The following RAD21 variants were observed in gnomAD, a reference collection of about 807,000 sequenced individuals.
RAD21 encodes the protein RAD21 cohesin complex component.
Under a neutral mutation model 71.5 loss-of-function variants are expected in RAD21, and 18 were observed. The observed-to-expected ratio is 0.25, with a 90% CI of 0.17 to 0.37. The LOEUF is 0.37. RAD21 is among the 10% of genes least tolerant of loss of function. RAD21 has a pLI of 1.00. For synonymous variants in RAD21, 248 were observed against 254.0 expected (o/e 0.98, Z 0.22); for missense variants, 493 against 769.1 (o/e 0.64, Z 4.25).
chr8:116,873,671 G>A (rs1023855729), intron 1 of RAD21, among the ~76,000 whole-genome samples: 2 of 151,110 alleles, frequency 1.3e-5, no homozygotes, highest in African/African-American at 4.9e-5. Flanking sequence ...TAACAAATCA[G>A]AGTGACCAAG....
At chr8:116,872,032 T>C (rs539314702) in intron 1 of RAD21, among the ~76,000 whole-genome samples, 2 of 152,208 alleles carry the variant, frequency 1.3e-5, no homozygotes, top group African/African-American at 2.4e-5. Context: ...CTTGCATCCA[T>C]GGACTAAACC....
chr8:116,860,619 G>A (rs1310608390), intron 4 of RAD21, among the ~76,000 whole-genome samples: 1 of 151,880 alleles, frequency 6.6e-6, no homozygotes, highest in Non-Finnish European at 1.5e-5. Flanking sequence ...TAAGCTCACT[G>A]CTTTTTTAAA....
intron 8 of RAD21, 134 bp downstream of exon 8, chr8:116,856,032 G>C: frequency 9.8e-7 from 1 of 1,019,440 alleles, no homozygotes. Flanking sequence ...CAGATCAGTA[G>C]ACAGGCCAAA....
chr8:116,854,907 A>G (rs1812430558), intron 8 of RAD21, among the ~76,000 whole-genome samples: 1 of 152,176 alleles, frequency 6.6e-6, no homozygotes, highest in Admixed American at 6.5e-5. Context: ...TGTAATTCAC[A>G]TATGGCAGTT....
chr8:116,856,570 T>C, intron 7 of RAD21, 76 bp downstream of exon 7: 1 of 1,420,668 alleles, frequency 7.0e-7, no homozygotes, highest in Non-Finnish European at 9.3e-7. Context: ...AACTTTTAGT[T>C]TGTCATCTTC....
intron 7 of RAD21, 97 bp downstream of exon 7, chr8:116,856,549 C>A: frequency 7.4e-7 from 1 of 1,346,226 alleles, no homozygotes; most frequent in Admixed American, 2.6e-5. Flanking sequence ...TTATAATTCA[C>A]TAAAAACTAC....
chr8:116,849,465 G>A (rs1036453834), intron 12 of RAD21: 7 of 154,734 alleles, frequency 4.5e-5, no homozygotes, highest in Non-Finnish European at 8.6e-5. Flanking sequence ...GATGACTAAT[G>A]TTCTGGCAGA....
At position 116,857,396 on chromosome 8, in the gene RAD21, T is replaced by C. The variant is rs769141885; in HGVS notation, c.559A>G (p.Thr187Ala). The change falls in exon 6 of 14, where the codon ACT becomes GCT. Residue 187 changes from threonine to alanine, a missense_variant. By Grantham distance (58) the Thr-to-Ala change is moderately conservative. Transcript: ENST00000297338. ...FEDDDMLVST[T>A]TSNLLLESEQ... is the part of the protein sequence containing the mutation. ...GACTCTAATAGGAGGTTAGAAGTAG[T>C]AGTGCTTACTAACATGTCGTCATCC... 5 of 1,613,258 alleles carry C rather than the reference T, an allele frequency of 3.1e-6. No individual in the cohort carries two copies. The highest frequency in any genetic ancestry group is 1.7e-4 in the Middle Eastern group (1 of 5,924).
intron 12 of RAD21, among the ~76,000 whole-genome samples, chr8:116,850,309 A>C (rs1285544756): frequency 6.6e-6 from 1 of 152,210 alleles, no homozygotes; most frequent in Non-Finnish European, 1.5e-5. Flanking sequence ...CAGCAGTAAG[A>C]ATCGTCCACT....
chr8:116,866,448 T>C (rs1812695841), intron 2 of RAD21, 138 bp downstream of exon 2: 6 of 693,870 alleles, frequency 8.6e-6, no homozygotes, highest in Admixed American at 6.8e-5. Context: ...TGATAAGGAC[T>C]TCACATAATA....
Position 116,858,453 on chromosome 8 carries a change from A to T in RAD21, c.380T>A (p.Ile127Asn). 1 of 1,610,528 alleles carries T rather than the reference A, an allele frequency of 6.2e-7. No individual in the cohort carries two copies. The highest frequency in any genetic ancestry group is 8.5e-7 in the Non-Finnish European group (1 of 1,177,898). Residue 127 changes from isoleucine to asparagine, a missense_variant, in exon 5 of 14, where the codon ATC (isoleucine) becomes AAC (asparagine). By Grantham distance (149) the Ile-to-Asn change is moderately radical. Around this residue, in one of 5 missense-constraint regions of RAD21, gnomAD observed 165 missense variants for 229.6 expected, o/e 0.72. Coordinates refer to ENST00000297338, the MANE Select transcript of RAD21 (RefSeq NM_006265.3). The stretch of plus-strand genomic sequence containing the variant: ...CAAGCTGAACTGCTGGGCCACATCG[A>T]TGTCACTTTAAAAGAAGGTCAAATA... The part of the protein sequence containing the change: ...FDQPLPDLDD[I>N]DVAQQFSLNQ...
chr8:116,861,201 T>C (rs184057370), intron 4 of RAD21, among the ~76,000 whole-genome samples: 40 of 152,174 alleles, frequency 2.6e-4, no homozygotes, highest in Admixed American at 2.3e-3. Flanking sequence ...AAATCTGTAA[T>C]GGTGTAGAGT....
chr8:116,849,306 CTA>C lies in RAD21; in HGVS notation c.1621-279_1621-278del, dbSNP rs977802273. The stretch of plus-strand genomic sequence containing the variant: ...GCTATAAGGATGCTATCTACACACA[CTA>C]TGTGGTCTGTGGACTGCTGCTGATC... On this transcript the variant is annotated intron_variant, in intron 12 of 13. Transcript: ENST00000297338. The C allele has an allele frequency of 9.7e-5, 33 of 339,850 alleles. No homozygotes were observed. The Admixed American group carries it at 1.5e-3, about 15-fold the overall frequency. The allele number at this position is 339,850 out of a possible 1,614,324, so 21.1% of individuals were successfully genotyped here. A position where few individuals can be genotyped will look rare whatever the true frequency, so the allele number is the denominator to read the frequency against.
chr8:116,853,039 G>A lies in RAD21; in HGVS notation c.1162-331C>T, dbSNP rs548247152. On this transcript the variant is annotated intron_variant, in intron 9 of 13. Coordinates refer to ENST00000297338, the MANE Select transcript of RAD21 (RefSeq NM_006265.3). Reference sequence around the variant, plus strand: ...CTCATACAAAATAGCTTTAAATTGTGTTTTCTTCCCTTACATATGGTAACC... The same window carrying A: ...CTCATACAAAATAGCTTTAAATTGTATTTTCTTCCCTTACATATGGTAACC... Among the ~76,000 whole-genome samples, 9 of 152,022 alleles carry A rather than the reference G, an allele frequency of 5.9e-5. No homozygotes were observed. In the East Asian group the frequency reaches 1.7e-3, roughly 29 times the overall value.
At chr8:116,853,869 C>A (rs1447817788) in intron 9 of RAD21, among the ~76,000 whole-genome samples, 3 of 152,100 alleles carry the variant, frequency 2.0e-5, no homozygotes, top group Non-Finnish European at 4.4e-5. Flanking sequence ...CAAAAAACCT[C>A]CTGAAGCCAG....
intron 8 of RAD21, among the ~76,000 whole-genome samples, chr8:116,855,422 G>A: frequency 6.6e-6 from 1 of 152,036 alleles, no homozygotes. Flanking sequence ...ATTAAATAAT[G>A]TGTCTTGCAA....
chr8:116,847,801 G>GT (rs2130450432), intron 13 of RAD21, 110 bp from the exon 14 acceptor site: 2 of 1,073,024 alleles, frequency 1.9e-6, no homozygotes, highest in East Asian at 5.2e-5. Context: ...ATGCTGAAAC[G>GT]TAATTTCCCA....
chr8:116,855,367 C>T (rs1812439907), intron 8 of RAD21, among the ~76,000 whole-genome samples: 1 of 151,846 alleles, frequency 6.6e-6, no homozygotes, highest in East Asian at 1.9e-4. Context: ...GTTTTATATC[C>T]CCATTATCTC....
At chr8:116,873,809 G>A (rs1038362232) in intron 1 of RAD21, among the ~76,000 whole-genome samples, 6 of 152,084 alleles carry the variant, frequency 3.9e-5, no homozygotes, top group Non-Finnish European at 8.8e-5. Flanking sequence ...GCGACGAAAA[G>A]GGCATCAAGC....
Sources: gnomAD v4.1 joint callset for allele counts (sites outside exome capture counted in the v4.1 genomes callset) on GRCh38, gnomAD v4.1.1 for gene constraint, gnomAD v4.1.1 regional missense constraint, MANE v1.5 for transcripts, NCBI Gene and HGNC (gene_info 2026-07-23, HGNC 2026-07-21) for gene names.